The following SCN1A variants were observed in gnomAD, a reference collection of about 807,000 sequenced individuals.
SCN1A encodes the protein sodium channel protein type 1 subunit alpha.
In SCN1A, 13 loss-of-function variants were observed where a neutral mutation model predicts 193.7. That is an observed-to-expected ratio of 0.07 (90% CI 0.04 to 0.11). The LOEUF (loss-of-function observed/expected upper bound fraction) is 0.11. Ranked by LOEUF, SCN1A falls within the 10% of genes least tolerant of loss-of-function variation. SCN1A has a pLI of 1.00. For missense variants in SCN1A, 1,432 were observed against 2,451.1 expected (o/e 0.58, Z 8.78); for synonymous variants, 781 against 843.6 (o/e 0.93, Z 1.29).
chr2:166,051,636 C>G, intron 9 of SCN1A, 83 bp downstream of exon 9: 1 of 1,097,418 alleles, frequency 9.1e-7, no homozygotes, highest in Non-Finnish European at 1.3e-6. Context: ...AATGGGATAT[C>G]CAGCCCCTCA....
intron 19 of SCN1A, among the ~76,000 whole-genome samples, chr2:166,017,359 C>A (rs1693442426): frequency 6.6e-6 from 1 of 151,948 alleles, no homozygotes; most frequent in Non-Finnish European, 1.5e-5. Flanking sequence ...AGGAATAAGT[C>A]ATTGGTTTCT....
intron 9 of SCN1A, among the ~76,000 whole-genome samples, chr2:166,050,490 AAAAC>A (rs1355798219): frequency 4.0e-5 from 6 of 148,698 alleles, no homozygotes; most frequent in African/African-American, 1.0e-4. Context: ...GAACTTAGAT[AAAAC>A]AAACAAACAA....
rs764865083 is a variant in SCN1A at position 166,042,383 on chromosome 2, A to C, written c.2085T>G (p.Ser695Arg). 4.3e-6 allele frequency: 7 copies of C among 1,613,942 alleles called. No individual in the cohort carries two copies. Among genetic ancestry groups the C allele is most frequent in the Non-Finnish European group, 5.9e-6 (7 of 1,179,882 alleles). Residue 695 changes from serine to arginine, a missense_variant, in exon 15 of 29, where the codon AGT (serine) becomes AGG (arginine). Physicochemically the swap from Ser to Arg is moderately radical, Grantham distance 110. This residue lies in a region of SCN1A where 316 missense variants were observed against 362.1 expected (regional missense o/e 0.87). Coordinates refer to ENST00000674923, the MANE Select transcript of SCN1A (RefSeq NM_001165963.4). Reference protein sequence around the residue: ...TETEMRKRRSSSFHVSMDFLE... With the variant: ...TETEMRKRRSRSFHVSMDFLE... ...GAAAGTCCATGGAAACGTGGAAAGA[A>C]CTTGACCTTCTCTTTCTCATTTCAG...
At chr2:166,123,623 A>AT (rs1468115257) in intron 2 of SCN1A, 1 of 152,098 alleles carries the variant, frequency 6.6e-6, no homozygotes, top group South Asian at 2.1e-4. Context: ...TTTTGAGGCA[A>AT]TTTTTTTGCA....
chr2:166,013,822 C>T lies in SCN1A; in HGVS notation c.3627G>A (p.Arg1209=). The T allele has an allele frequency of 6.2e-7, 1 of 1,612,452 alleles. No homozygotes were observed. The highest frequency in any genetic ancestry group is 8.5e-7 in the Non-Finnish European group (1 of 1,178,778). The change falls in exon 21 of 29, where the codon AGG becomes AGA. Residue 1209 remains arginine (R), a synonymous_variant. Coordinates refer to ENST00000674923, the MANE Select transcript of SCN1A (RefSeq NM_001165963.4). Reference sequence around the variant, plus strand: ...TATGTTCAACTATTCGGAAACACGTCCTTCTCAGGTTCCACCATTGTTTTC... The same window carrying T: ...TATGTTCAACTATTCGGAAACACGTTCTTCTCAGGTTCCACCATTGTTTTC... ...GRGKQWWNLR[R]TCFRIVEHNW... is the part of the protein sequence containing the mutation.
chr2:166,094,969 C>T (rs1290346048), intron 2 of SCN1A, among the ~76,000 whole-genome samples: 1 of 152,182 alleles, frequency 6.6e-6, no homozygotes, highest in Non-Finnish European at 1.5e-5. Flanking sequence ...ACATCTATTT[C>T]ACCACTCCTT....
chr2:166,023,194 G>C (rs1694292861), intron 19 of SCN1A, among the ~76,000 whole-genome samples: 1 of 152,194 alleles, frequency 6.6e-6, no homozygotes, highest in Admixed American at 6.5e-5. Flanking sequence ...TCCATATATG[G>C]AGTAAGTAGA....
At chr2:166,057,597 A>C (rs369046551) in intron 5 of SCN1A, among the ~76,000 whole-genome samples, 1 of 152,052 alleles carries the variant, frequency 6.6e-6, no homozygotes, top group African/African-American at 2.4e-5. Flanking sequence ...TGGGACAAGG[A>C]AACTTCCCTA....
chr2:166,038,220 C>G, intron 17 of SCN1A, 88 bp from the exon 18 acceptor site: 1 of 969,812 alleles, frequency 1.0e-6, no homozygotes, highest in African/African-American at 1.6e-5. Context: ...CATTAGAATT[C>G]AATATCTTAC....
chr2:166,123,928 A>T (rs929784440), intron 2 of SCN1A, among the ~76,000 whole-genome samples: 1 of 152,142 alleles, frequency 6.6e-6, no homozygotes, highest in Non-Finnish European at 1.5e-5. Flanking sequence ...CATACCTGTG[A>T]GGCACTTCAC....
chr2:166,068,834 A>T (rs1170490935), intron 4 of SCN1A, among the ~76,000 whole-genome samples: 1 of 152,222 alleles, frequency 6.6e-6, no homozygotes, highest in African/African-American at 2.4e-5. Context: ...TCTGCACTCC[A>T]TAATTAACAA....
chr2:166,136,158 T>C (rs963677744), intron 1 of SCN1A, among the ~76,000 whole-genome samples: 1 of 152,192 alleles, frequency 6.6e-6, no homozygotes, highest in Non-Finnish European at 1.5e-5. Flanking sequence ...CTGATTGCTA[T>C]CATGACATCA....
chr2:166,130,463 T>A (rs1419782484), upstream of SCN1A, among the ~76,000 whole-genome samples: 1 of 152,218 alleles, frequency 6.6e-6, no homozygotes, highest in Non-Finnish European at 1.5e-5. Flanking sequence ...GTTCACAACC[T>A]TCACTTCTCT....
chr2:165,993,208 T>TGTGC (rs753878607), intron 28 of SCN1A: 1 of 141,544 alleles, frequency 7.1e-6, no homozygotes, highest in African/African-American at 3.0e-5. Flanking sequence ...TGTGTGTGTG[T>TGTGC]GTGAGAGAGA....
chr2:166,073,245 A>C, intron 4 of SCN1A, 113 bp downstream of exon 4: 1 of 1,294,784 alleles, frequency 7.7e-7, no homozygotes, highest in Non-Finnish European at 1.1e-6. Flanking sequence ...TTCATTTCTT[A>C]AACAGAAGGA....
upstream of SCN1A, among the ~76,000 whole-genome samples, chr2:166,132,002 T>TA (rs1202174339): frequency 6.6e-6 from 1 of 152,168 alleles, no homozygotes; most frequent in Non-Finnish European, 1.5e-5. Flanking sequence ...TTTGGGAATC[T>TA]ATAGTCACTG....
chr2:166,148,307 A>T (rs533453654), intron 1 of SCN1A, among the ~76,000 whole-genome samples: 1 of 152,202 alleles, frequency 6.6e-6, no homozygotes, highest in Non-Finnish European at 1.5e-5. Flanking sequence ...GCTTTTCTGC[A>T]GCATTCAATA....
intron 19 of SCN1A, among the ~76,000 whole-genome samples, chr2:166,026,679 CTTTTTTTTT>C (rs35750460): frequency 3.1e-5 from 3 of 97,712 alleles, no homozygotes; most frequent in Non-Finnish European, 5.7e-5. Context: ...TTCTTTCTTT[CTTTTTTTTT>C]TTTTTTTTTT....
chr2:166,052,013 T>C (rs774698873), intron 8 of SCN1A, 25 bp from the exon 9 acceptor site: 2 of 1,597,660 alleles, frequency 1.3e-6, no homozygotes, highest in Non-Finnish European at 8.5e-7. Context: ...TCTATTACTA[T>C]GAAGACTTAA....
Sources: allele counts gnomAD v4.1 joint callset (sites outside exome capture counted in the v4.1 genomes callset), GRCh38; gene constraint gnomAD v4.1.1; regional missense constraint gnomAD v4.1.1; transcripts MANE v1.5; gene names NCBI Gene and HGNC (gene_info 2026-07-23, HGNC 2026-07-21).